MTUS2: variants seen among roughly 807,000 people sequenced by gnomAD.
MTUS2 encodes microtubule associated scaffold protein 2.
In MTUS2, 40 loss-of-function variants were observed where a neutral mutation model predicts 114.1. That is an observed-to-expected ratio of 0.35 (90% CI 0.27 to 0.46). MTUS2 has a LOEUF of 0.46. Among genes scored for constraint, MTUS2 ranks in the 20% least tolerant of loss-of-function variants. The probability of loss-of-function intolerance (pLI) is 1.00; values close to 1 mark genes in which losing one functional copy is unlikely to be tolerated. For synonymous variants in MTUS2, 688 were observed against 672.0 expected (o/e 1.02, Z -0.37); for missense variants, 1,679 against 1,705.4 (o/e 0.98, Z 0.27).
At chr13:29,492,316 GTATGTGTGGCA>G (rs1882243582) in intron 11 of MTUS2, among the ~76,000 whole-genome samples, 1 of 151,370 alleles carries the variant, frequency 6.6e-6, no homozygotes, top group Non-Finnish European at 1.5e-5. Context: ...GTGTGTATGT[GTATGTGTGGCA>G]TGTGGTGTGT....
chr13:28,889,560 C>G (rs1878794666), intron 2 of MTUS2, among the ~76,000 whole-genome samples: 1 of 152,064 alleles, frequency 6.6e-6, no homozygotes, highest in Admixed American at 6.6e-5. Flanking sequence ...TCCACGTGTT[C>G]CCTTGGTTTC....
chr13:28,979,963 G>A (rs1884283017), intron 2 of MTUS2, among the ~76,000 whole-genome samples: 1 of 152,106 alleles, frequency 6.6e-6, no homozygotes, highest in Non-Finnish European at 1.5e-5. Flanking sequence ...ACCCAGAAGA[G>A]AATTAGGGAG....
chr13:29,033,844 A>G (rs975548813), intron 3 of MTUS2, 41 bp from the exon 4 acceptor site: 5 of 1,610,520 alleles, frequency 3.1e-6, no homozygotes, highest in African/African-American at 2.7e-5. Flanking sequence ...TCACACTATG[A>G]TGTGAAGGTC....
At position 29,026,731 on chromosome 13, in the gene MTUS2, T is replaced by C; in HGVS notation, c.2033T>C (p.Leu678Pro). The change falls in exon 3 of 16, where the codon CTT becomes CCT. Residue 678 changes from leucine (L) to proline (P), a missense_variant. This residue lies in a region of MTUS2 where 822 missense variants were observed against 899.7 expected (regional missense o/e 0.91). Transcript: ENST00000612955. The stretch of plus-strand genomic sequence containing the variant: ...GCCCCGCCCACATGTACCATGCCTC[T>C]TCCCCACGAAGAGAAGGCAGCAGGT... ...PYAPPTCTMP[L>P]PHEEKAAGGD... 6.2e-7 allele frequency: 1 copy of C among 1,613,968 alleles called. No homozygotes were observed. The highest frequency in any genetic ancestry group is 1.1e-5 in the South Asian group (1 of 91,080).
intron 4 of MTUS2, among the ~76,000 whole-genome samples, chr13:29,056,660 C>G (rs897503641): frequency 1.3e-5 from 2 of 151,740 alleles, no homozygotes; most frequent in African/African-American, 4.8e-5. Context: ...GGTAATGTCC[C>G]CTTTATCATT....
rs143335884 is a variant in MTUS2, at chr13:29,359,533, G to A, written c.3117+60G>A. ...TTGGTTGGAGGAGAGTGTGGTGATG[G>A]TGACGGTTGTTTGTGTATGTTGCTG... On this transcript the variant is annotated intron_variant, in intron 8 of 15. Transcript: ENST00000612955. The A allele has an allele frequency of 1.3e-3, 2,051 of 1,529,694 alleles. 20 individuals carry two copies. The African/African-American group carries it at 0.025, about 19-fold the overall frequency. The allele number at this position is 1,529,694 out of a possible 1,614,324, so 94.8% of individuals were successfully genotyped here.
rs760202415 is a variant in MTUS2, at chr13:29,359,320, G to A, written c.2964G>A (p.Pro988=). 8.7e-6 allele frequency: 14 copies of A among 1,609,712 alleles called. No homozygotes were observed. In the South Asian group the frequency reaches 8.9e-5, roughly 10 times the overall value. Residue 988 remains proline (P), a synonymous_variant, in exon 8 of 16, where the codon CCG becomes CCA. Transcript: ENST00000612955. ...ARNGFPPKPD[P]QAREAERQLV... ...ATGGGTTTCCGCCCAAGCCGGACCC[G>A]CAGGCCCGTGAGGCTGAGCGGCAGC...
chr13:28,959,150 C>T (rs1883204550), intron 2 of MTUS2, among the ~76,000 whole-genome samples: 1 of 152,124 alleles, frequency 6.6e-6, no homozygotes, highest in Non-Finnish European at 1.5e-5. Context: ...CCAACAACAG[C>T]CGGCTTTCTC....
intron 5 of MTUS2, among the ~76,000 whole-genome samples, chr13:29,103,780 T>A (rs1304349113): frequency 6.6e-6 from 1 of 152,248 alleles, no homozygotes; most frequent in Non-Finnish European, 1.5e-5. Flanking sequence ...TGTTGTTGAC[T>A]GAAGCATCGT....
At chr13:29,186,338 T>C (rs995676587) in intron 5 of MTUS2, among the ~76,000 whole-genome samples, 2 of 152,104 alleles carry the variant, frequency 1.3e-5, no homozygotes. Flanking sequence ...AACACTGAAT[T>C]AAAAAATGAT....
intron 3 of MTUS2, among the ~76,000 whole-genome samples, chr13:29,030,312 G>C (rs1228917515): frequency 1.3e-5 from 2 of 152,218 alleles, no homozygotes; most frequent in Non-Finnish European, 2.9e-5. Flanking sequence ...TCATGGCCTC[G>C]CACCTCGAGC....
intron 6 of MTUS2, among the ~76,000 whole-genome samples, chr13:29,299,477 G>C (rs1019266287): frequency 2.6e-5 from 4 of 152,230 alleles, no homozygotes; most frequent in Non-Finnish European, 1.5e-5. Context: ...GCTGATGGGG[G>C]TCACAGGAGA....
intron 2 of MTUS2, among the ~76,000 whole-genome samples, chr13:28,934,106 C>T (rs1023733157): frequency 6.6e-6 from 1 of 152,206 alleles, no homozygotes; most frequent in African/African-American, 2.4e-5. Flanking sequence ...TACCAACTAC[C>T]ACAATTAAGT....
chr13:29,181,774 TA>T (rs1251174582), intron 5 of MTUS2, among the ~76,000 whole-genome samples: 1 of 138,580 alleles, frequency 7.2e-6, no homozygotes, highest in Non-Finnish European at 1.5e-5. Context: ...GAAATCATTA[TA>T]ATTTATATAC....
chr13:29,157,026 T>TC (rs1338040569), intron 5 of MTUS2, among the ~76,000 whole-genome samples: 1 of 152,226 alleles, frequency 6.6e-6, no homozygotes, highest in Non-Finnish European at 1.5e-5. Flanking sequence ...TGTAACTCGT[T>TC]CAACATTTAT....
intron 2 of MTUS2, among the ~76,000 whole-genome samples, chr13:28,953,175 T>G (rs1313161984): frequency 6.6e-6 from 1 of 152,140 alleles, no homozygotes; most frequent in African/African-American, 2.4e-5. Flanking sequence ...TCATTTTTTT[T>G]TTTTTTGCAC....
intron 4 of MTUS2, among the ~76,000 whole-genome samples, chr13:29,068,033 G>A (rs905514432): frequency 3.3e-5 from 5 of 152,160 alleles, no homozygotes; most frequent in African/African-American, 1.2e-4. Context: ...TTTCTACCAA[G>A]GAAGTTTAAA....
At chr13:28,844,575 C>T (rs1355765468) in intron 2 of MTUS2, among the ~76,000 whole-genome samples, 1 of 90,320 alleles carries the variant, frequency 1.1e-5, no homozygotes, top group Non-Finnish European at 2.9e-5. Context: ...AAGGGGTCTG[C>T]AGCATTTGTG....
intron 6 of MTUS2, among the ~76,000 whole-genome samples, chr13:29,292,656 T>C (rs1029404163): frequency 1.3e-5 from 2 of 152,156 alleles, no homozygotes; most frequent in East Asian, 3.8e-4. Flanking sequence ...ATATAGTAAG[T>C]TTTATTGAAG....
Sources: allele counts gnomAD v4.1 joint callset (sites outside exome capture counted in the v4.1 genomes callset), GRCh38; gene constraint gnomAD v4.1.1; regional missense constraint gnomAD v4.1.1; transcripts MANE v1.5; gene names NCBI Gene and HGNC (gene_info 2026-07-23, HGNC 2026-07-21).